Variants in PRKCZ observed in about 807,000 individuals in gnomAD.
The protein encoded by PRKCZ is protein kinase C zeta, also known as protein kinase C zeta type.
Under a neutral mutation model 79.5 loss-of-function variants are expected in PRKCZ, and 33 were observed. That is an observed-to-expected ratio of 0.41 (90% CI 0.31 to 0.55). The LOEUF (loss-of-function observed/expected upper bound fraction) is 0.55. Ranked by LOEUF, PRKCZ falls within the 20% of genes least tolerant of loss-of-function variation. The pLI, the probability that PRKCZ is intolerant of heterozygous loss-of-function variation, is 0.19. For missense variants in PRKCZ, 578 were observed against 813.5 expected, an observed-to-expected ratio of 0.71 and a Z score of 3.52; for synonymous variants, 342 against 320.9, an observed-to-expected ratio of 1.07 and a Z score of -0.70.
At chr1:2,060,642 C>T (rs1426338273) in intron 4 of PRKCZ, among the ~76,000 whole-genome samples, 6 of 152,344 alleles carry the variant, frequency 3.9e-5, no homozygotes, top group African/African-American at 1.2e-4. Context: ...CTCAGCCAAC[C>T]GGGGTCCCTG....
rs556114335 is a variant in PRKCZ, at chr1:2,099,318, CCT to C, written c.335-35943_335-35942del. Among the ~76,000 whole-genome samples, 42 of 152,304 alleles carry C rather than the reference CCT, an allele frequency of 2.8e-4. No individual in the cohort carries two copies. In the East Asian group the frequency reaches 6.9e-3, roughly 25 times the overall value. ...TCTGAGACCTTTTCCCAGCTGGAGC[CCT>C]GTCATTCATTCATTCATTCATCCCA... On this transcript the variant is annotated intron_variant, in intron 4 of 17. Coordinates refer to ENST00000378567, the MANE Select transcript of PRKCZ (RefSeq NM_002744.6).
intron 4 of PRKCZ, among the ~76,000 whole-genome samples, chr1:2,077,364 T>C (rs1469697778): frequency 3.9e-5 from 6 of 152,334 alleles, no homozygotes; most frequent in Admixed American, 3.9e-4. Context: ...CCTGTGTCTG[T>C]TGGGGCTGTG....
intron 10 of PRKCZ, among the ~76,000 whole-genome samples, chr1:2,166,632 G>A (rs562771022): frequency 6.0e-5 from 9 of 149,046 alleles, no homozygotes; most frequent in South Asian, 2.1e-4. Flanking sequence ...CCCAGGCCAC[G>A]ACATGGCGAG....
intron 4 of PRKCZ, among the ~76,000 whole-genome samples, chr1:2,100,645 CAG>C (rs1361564273): frequency 2.0e-5 from 3 of 152,174 alleles, no homozygotes; most frequent in Admixed American, 2.0e-4. Context: ...AGGTGCAGGA[CAG>C]GGCACAGGAG....
Position 2,173,928 on chromosome 1 carries a change from C to A in PRKCZ, c.1317C>A (p.Val439=). Residue 439 remains valine (V), a synonymous_variant, in exon 14 of 18, where the codon GTC becomes GTA. Transcript: ENST00000378567. This position sits in a 1 kb window ranked among gnomAD's most constrained non-coding sequence, Gnocchi z 5.7. The part of the protein sequence containing the change: ...GFSVDWWALG[V]LMFEMMAGRS... ...GCGTGGACTGGTGGGCGCTGGGAGT[C>A]CTCATGTTTGAGATGATGGCCGGGC... The A allele has an allele frequency of 3.7e-6, 6 of 1,612,646 alleles. No homozygotes were observed. Among genetic ancestry groups the A allele is most frequent in the Non-Finnish European group, 5.1e-6 (6 of 1,179,382 alleles).
At chr1:2,110,806 G>GT (rs1368766300) in intron 4 of PRKCZ, among the ~76,000 whole-genome samples, 1 of 151,882 alleles carries the variant, frequency 6.6e-6, no homozygotes, top group Non-Finnish European at 1.5e-5. Flanking sequence ...TGGAGTCCCT[G>GT]TGGGGGGCAG....
Position 2,089,212 on chromosome 1 carries a change from G to A in PRKCZ, c.334+29621G>A, listed in dbSNP as rs528575140. On this transcript the variant is annotated intron_variant, in intron 4 of 17. Transcript: ENST00000378567. ...TTCGCGAGGTCCCTGGGCAGAGTTC[G>A]GCCGGGCGATGGCAGACGCCATGAG... is the stretch of plus-strand genomic sequence containing the variant. Among the ~76,000 whole-genome samples the A allele has an allele frequency of 2.3e-5, 3 of 132,048 alleles. No homozygotes were observed. In the East Asian group the frequency reaches 8.8e-4, roughly 39 times the overall value. 86.6% of individuals were successfully genotyped at this position (132,048 alleles called of 152,430 possible).
intron 16 of PRKCZ, among the ~76,000 whole-genome samples, chr1:2,179,149 G>A (rs761472468): frequency 5.9e-5 from 9 of 152,252 alleles, no homozygotes; most frequent in Non-Finnish European, 1.2e-4. Context: ...GGGAGGTGGC[G>A]CTCATCTTGT....
chr1:2,078,898 A>G (rs1445234794), intron 4 of PRKCZ, among the ~76,000 whole-genome samples: 1 of 144,496 alleles, frequency 6.9e-6, no homozygotes, highest in Non-Finnish European at 1.5e-5. Context: ...GCTGGAGTGC[A>G]GTGGCGTGAT....
At chr1:2,126,210 T>TGAACAAAGC (rs1673856365) in intron 4 of PRKCZ, among the ~76,000 whole-genome samples, 1 of 152,172 alleles carries the variant, frequency 6.6e-6, no homozygotes, top group African/African-American at 2.4e-5. Context: ...AATGGGAAAC[T>TGAACAAAGC]TTTCTTCAGT....
chr1:2,166,330 G>A (rs888736016), intron 10 of PRKCZ, among the ~76,000 whole-genome samples: 4 of 152,214 alleles, frequency 2.6e-5, no homozygotes, highest in African/African-American at 7.2e-5. Flanking sequence ...GAAGCCGGAG[G>A]ATTGCCTGAG....
At chr1:2,181,889 A>G (rs1457484453) in intron 16 of PRKCZ, 2 of 456,418 alleles carry the variant, frequency 4.4e-6, no homozygotes, top group Non-Finnish European at 8.8e-6. Flanking sequence ...TTGTGTCCCC[A>G]CAATCCTGCT....
intron 7 of PRKCZ, among the ~76,000 whole-genome samples, chr1:2,147,372 C>G (rs1003271107): frequency 2.0e-5 from 3 of 151,308 alleles, no homozygotes; most frequent in African/African-American, 7.3e-5. Flanking sequence ...TGTCCACTGA[C>G]CTCTCTATCT....
rs1673719345 is a variant in PRKCZ, at chr1:2,125,628, CAAGAAA to C, written c.335-9632_335-9627del. Among the ~76,000 whole-genome samples, 1 of 152,186 alleles carries C rather than the reference CAAGAAA, an allele frequency of 6.6e-6. No homozygotes were observed. Among genetic ancestry groups the C allele is most frequent in the Admixed American group, 6.5e-5 (1 of 15,286 alleles). On this transcript the variant is annotated intron_variant, in intron 4 of 17. Transcript: ENST00000378567. The surrounding 1 kb of genome is among the most constrained non-coding windows in gnomAD (Gnocchi z 4.2). ...GCCCCTGACATGCTCCCAGGGAACCCAAGAAAAGACTGAGACCCTGTGGTGCCTCCC... is the reference window on the plus strand; with the variant it reads ...GCCCCTGACATGCTCCCAGGGAACCCAGACTGAGACCCTGTGGTGCCTCCC...
At chr1:2,100,051 CCT>C (rs960531120) in intron 4 of PRKCZ, among the ~76,000 whole-genome samples, 1 of 152,138 alleles carries the variant, frequency 6.6e-6, no homozygotes, top group African/African-American at 2.4e-5. Flanking sequence ...GCCTGCAGCC[CCT>C]GTCAGATGCC....
intron 4 of PRKCZ, 81 bp downstream of exon 4, chr1:2,059,672 G>GGTGC (rs1389001135): frequency 1.9e-6 from 3 of 1,566,590 alleles, no homozygotes; most frequent in Non-Finnish European, 1.8e-6. Flanking sequence ...AGGTGGCAGT[G>GGTGC]GTGCCGTTTT....
intron 10 of PRKCZ, among the ~76,000 whole-genome samples, chr1:2,166,597 C>T (rs1444619474): frequency 2.0e-5 from 3 of 151,226 alleles, no homozygotes; most frequent in African/African-American, 4.9e-5. Flanking sequence ...TACCAGGACA[C>T]GGAGGGGCAG....
At chr1:2,131,191 G>A (rs1033043409) in intron 4 of PRKCZ, among the ~76,000 whole-genome samples, 1 of 152,230 alleles carries the variant, frequency 6.6e-6, no homozygotes, top group African/African-American at 2.4e-5. Flanking sequence ...ACTGCCGGGT[G>A]CCACATGTGT....
chr1:2,051,383 T>A (rs968061321), intron 1 of PRKCZ, among the ~76,000 whole-genome samples: 15 of 152,000 alleles, frequency 9.9e-5, no homozygotes, highest in African/African-American at 3.4e-4. Context: ...CTGCACCAGG[T>A]GGCCGGGCTC....
Sources: allele counts gnomAD v4.1 joint callset (sites outside exome capture counted in the v4.1 genomes callset), GRCh38; gene constraint gnomAD v4.1.1; non-coding constraint Gnocchi (gnomAD v3.1); transcripts MANE v1.5; gene names NCBI Gene and HGNC (gene_info 2026-07-23, HGNC 2026-07-21).